ARHGAP27: variants seen among roughly 807,000 people sequenced by gnomAD.
ARHGAP27 encodes the protein rho GTPase-activating protein 27.
ARHGAP27 carries 53 observed loss-of-function variants against 102.0 expected under a neutral mutation model. The ratio of observed to expected loss-of-function variants is 0.52; its 90% CI spans 0.42 to 0.65. The LOEUF is 0.65. Ranked by LOEUF, ARHGAP27 falls within the 30% of genes least tolerant of loss-of-function variation. ARHGAP27 has a pLI of 0.00. For synonymous variants in ARHGAP27, 525 were observed against 542.8 expected (o/e 0.97, Z 0.46); for missense variants, 1,117 against 1,256.2 (o/e 0.89, Z 1.68).
Position 45,429,584 on chromosome 17 carries a change from G to A in ARHGAP27, c.657+39C>T, listed in dbSNP as rs537174648. The A allele has an allele frequency of 2.0e-5, 31 of 1,576,464 alleles. No individual in the cohort carries two copies. In the African/African-American group the frequency reaches 3.9e-4, roughly 20 times the overall value. ...GCTCCGTGCGGGCGCGGTCCCTAGC[G>A]CGCCACCCGCCTCCGCGCCCCAGCG... On this transcript the variant is annotated intron_variant, in intron 4 of 19. Coordinates refer to ENST00000685559, the MANE Select transcript of ARHGAP27 (RefSeq NM_001282290.2).
At chr17:45,428,582 T>G (rs2049819442) in intron 4 of ARHGAP27, among the ~76,000 whole-genome samples, 1 of 152,170 alleles carries the variant, frequency 6.6e-6, no homozygotes, top group Admixed American at 6.5e-5. Context: ...CGTGTCTCCT[T>G]CGTCTGGGCA....
intron 4 of ARHGAP27, among the ~76,000 whole-genome samples, chr17:45,418,054 A>T (rs12936645): frequency 0.16 from 22,921 of 147,876 alleles, 1,941 homozygotes; most frequent in Middle Eastern, 0.22. Context: ...AAAAAAAAAA[A>T]TTTTTTTACT....
intron 4 of ARHGAP27, 77 bp downstream of exon 4, chr17:45,429,546 T>G: frequency 6.4e-7 from 1 of 1,559,346 alleles, no homozygotes; most frequent in South Asian, 1.2e-5. Context: ...GGAGCGGGTC[T>G]CCTTGCGCCC....
Position 45,404,325 on chromosome 17 carries a change from C to T in ARHGAP27, c.1423G>A (p.Glu475Lys). The change falls in exon 9 of 20, where the codon GAG becomes AAG. Residue 475 changes from glutamate to lysine, a missense_variant. By Grantham distance (56) the Glu-to-Lys change is moderately conservative. Around this residue, in one of 3 missense-constraint regions of ARHGAP27, gnomAD observed 610 missense variants for 716.4 expected, o/e 0.85. Transcript: ENST00000685559. ...TCCCAGCTCCCAACCTCATCCAGCT[C>T]TGCTGGGACCTATGGGGGAAGACAG... ...ASPPEEKVPA[E>K]LDEVGSWEEV... 1 of 1,614,120 alleles carries T rather than the reference C, an allele frequency of 6.2e-7. No homozygotes were observed.
chr17:45,411,148 T>C (rs1234187116), intron 4 of ARHGAP27, among the ~76,000 whole-genome samples: 1 of 151,934 alleles, frequency 6.6e-6, no homozygotes, highest in East Asian at 1.9e-4. Flanking sequence ...GGAGGAAGGT[T>C]AAATCTTCTT....
chr17:45,424,346 C>T (rs1459737185), intron 4 of ARHGAP27, among the ~76,000 whole-genome samples: 2 of 152,242 alleles, frequency 1.3e-5, no homozygotes, highest in African/African-American at 4.8e-5. Flanking sequence ...CCTGTTTCCC[C>T]TTCAATATGA....
At position 45,395,069 on chromosome 17, in the gene ARHGAP27, C is replaced by T. The variant is rs1055655716; in HGVS notation, c.*387G>A. The T allele has an allele frequency of 1.9e-5, 5 of 260,676 alleles. No individual in the cohort carries two copies. The highest frequency in any genetic ancestry group is 4.5e-5 in the African/African-American group (2 of 44,078). 16.1% of individuals were successfully genotyped at this position (260,676 alleles called of 1,614,324 possible). ...CACAGGGTCTCTGTGAAGGCCTCCA[C>T]GAGGTGAGGGCCAGAAGCAGCCAGG... On this transcript the variant is annotated 3_prime_UTR_variant, in exon 20 of 20. Coordinates refer to ENST00000685559, the MANE Select transcript of ARHGAP27 (RefSeq NM_001282290.2).
In ARHGAP27 at chr17:45,402,782, C is replaced by T; in HGVS notation, c.1675G>A (p.Val559Met). The part of the protein sequence containing the change: ...PSKFSTPEYT[V>M]ELRGATLSWA... ...GAGAGAGTGGCCCCCCTCAGCTCCA[C>T]TGTGTACTCAGGGGTGGAAAACTTG... The change falls in exon 12 of 20, where the codon GTG becomes ATG. Residue 559 changes from valine (V) to methionine (M), a missense_variant. Coordinates refer to ENST00000685559, the MANE Select transcript of ARHGAP27 (RefSeq NM_001282290.2). The T allele has an allele frequency of 6.2e-7, 1 of 1,613,330 alleles. No individual in the cohort carries two copies. Among genetic ancestry groups the T allele is most frequent in the East Asian group, 2.2e-5 (1 of 44,824 alleles).
At chr17:45,416,026 G>GTT (rs1380133782) in intron 4 of ARHGAP27, among the ~76,000 whole-genome samples, 3 of 147,042 alleles carry the variant, frequency 2.0e-5, no homozygotes, top group Non-Finnish European at 3.1e-5. Context: ...GCATGCTGAA[G>GTT]TTTTTGTTTT....
intron 11 of ARHGAP27, among the ~76,000 whole-genome samples, chr17:45,403,261 T>C (rs1259541943): frequency 6.6e-6 from 1 of 152,132 alleles, no homozygotes; most frequent in East Asian, 1.9e-4. Context: ...CAAGCCAGAT[T>C]AGATAGAGCA....
chr17:45,420,141 A>G (rs1177204549), intron 4 of ARHGAP27, among the ~76,000 whole-genome samples: 3 of 152,216 alleles, frequency 2.0e-5, no homozygotes, highest in African/African-American at 4.8e-5. Flanking sequence ...ATTCATTATG[A>G]CATTGTTGTA....
chr17:45,397,980 T>C lies in ARHGAP27; in HGVS notation c.1811A>G (p.His604Arg). 1.2e-6 allele frequency: 2 copies of C among 1,610,668 alleles called. No homozygotes were observed. Among genetic ancestry groups the C allele is most frequent in the South Asian group, 1.1e-5 (1 of 90,910 alleles). Residue 604 changes from histidine to arginine, a missense_variant, in exon 13 of 20, where the codon CAT (histidine) becomes CGT (arginine). Physicochemically the swap from His to Arg is conservative, Grantham distance 29. Transcript: ENST00000685559. ...HDSEAIISTW[H>R]KAIAQGIQEL... Reference sequence around the variant, plus strand: ...CTGGATGCCCTGAGCAATGGCCTTATGCCAGGTGCTGATGATGGCCTCCGA... The same window carrying C: ...CTGGATGCCCTGAGCAATGGCCTTACGCCAGGTGCTGATGATGGCCTCCGA...
intron 4 of ARHGAP27, among the ~76,000 whole-genome samples, chr17:45,420,232 G>A (rs572060622): frequency 7.9e-5 from 12 of 152,344 alleles, no homozygotes; most frequent in African/African-American, 2.9e-4. Flanking sequence ...TAGGGAAGGA[G>A]ACAGAACCTC....
chr17:45,400,260 G>A (rs2046281977), intron 12 of ARHGAP27, among the ~76,000 whole-genome samples: 1 of 152,176 alleles, frequency 6.6e-6, no homozygotes, highest in Admixed American at 6.5e-5. Flanking sequence ...CTGTAACTCG[G>A]GGTGACTAGA....
chr17:45,404,094 G>A lies in ARHGAP27; in HGVS notation c.1482C>T (p.Thr494=), dbSNP rs116676569. Residue 494 remains threonine (T), a splice_region_variant and synonymous_variant, in exon 10 of 20, where the codon ACC becomes ACT. Coordinates refer to ENST00000685559, the MANE Select transcript of ARHGAP27 (RefSeq NM_001282290.2). ...EVSPATAAVR[T]KTLDKAGVLH... is the part of the protein sequence containing the mutation. ...GCACCCCTGCCTTGTCCAAGGTCTTGGTCTAAGAGAGAGAAGAGAGAGCAG... is the reference window on the plus strand; with the variant it reads ...GCACCCCTGCCTTGTCCAAGGTCTTAGTCTAAGAGAGAGAAGAGAGAGCAG... The A allele has an allele frequency of 2.1e-4, 335 of 1,614,118 alleles. No homozygotes were observed. The African/African-American group carries it at 4.3e-3, about 20-fold the overall frequency.
chr17:45,397,050 C>T lies in ARHGAP27; in HGVS notation c.1843-26G>A, dbSNP rs377470150. ...CTGGATTCCCATAGCCTCAGAGAGG[C>T]GGGGCCTTGAGCCAGCTGCGGGTCC... On this transcript the variant is annotated intron_variant, in intron 13 of 19. Transcript: ENST00000685559. 602 of 1,599,466 alleles carry T rather than the reference C, an allele frequency of 3.8e-4. 9 individuals are homozygous for T. The South Asian group carries it at 6.0e-3, about 16-fold the overall frequency.
intron 7 of ARHGAP27, 27 bp from the exon 8 acceptor site, chr17:45,404,555 G>A: frequency 6.2e-7 from 1 of 1,613,586 alleles, no homozygotes. Flanking sequence ...AGTCGTATAT[G>A]ATCTCTTCCT....
chr17:45,426,999 T>G (rs2049679351), intron 4 of ARHGAP27, among the ~76,000 whole-genome samples: 1 of 152,086 alleles, frequency 6.6e-6, no homozygotes, highest in East Asian at 1.9e-4. Flanking sequence ...GGGCCCCATC[T>G]TTTTTCCACT....
intron 12 of ARHGAP27, among the ~76,000 whole-genome samples, chr17:45,401,279 C>T (rs887849279): frequency 6.6e-6 from 1 of 152,130 alleles, no homozygotes; most frequent in Non-Finnish European, 1.5e-5. Context: ...CTTGTGGTTT[C>T]AGTGAGCTCT....
Sources: gnomAD v4.1 joint callset for allele counts (sites outside exome capture counted in the v4.1 genomes callset) on GRCh38, gnomAD v4.1.1 for gene constraint, gnomAD v4.1.1 regional missense constraint, MANE v1.5 for transcripts, NCBI Gene and HGNC (gene_info 2026-07-23, HGNC 2026-07-21) for gene names.